The following CAMTA2 variants were observed in gnomAD, a reference collection of about 807,000 sequenced individuals.
The protein encoded by CAMTA2 is calmodulin binding transcription activator 2, also known as calmodulin-binding transcription activator 2.
Under a neutral mutation model 135.7 loss-of-function variants are expected in CAMTA2, and 56 were observed. The observed-to-expected ratio is 0.41, with a 90% CI of 0.33 to 0.52. CAMTA2 has a LOEUF of 0.52. Ranked by LOEUF, CAMTA2 falls within the 20% of genes least tolerant of loss-of-function variation. The pLI is 0.16. For synonymous variants in CAMTA2, 591 were observed against 604.6 expected, an observed-to-expected ratio of 0.98 and a Z score of 0.33; for missense variants, 1,358 against 1,553.4, an observed-to-expected ratio of 0.87 and a Z score of 2.11.
At chr17:4,979,637 A>G in intron 9 of CAMTA2, 47 bp downstream of exon 9, 1 of 1,376,976 alleles carries the variant, frequency 7.3e-7, no homozygotes, top group Non-Finnish European at 1.0e-6. Context: ...TTGGGGAGTC[A>G]GAAGACAAAT....
At chr17:4,973,428 A>C (rs188018991) in intron 13 of CAMTA2, among the ~76,000 whole-genome samples, 157 bp downstream of exon 13, 17 of 152,314 alleles carry the variant, frequency 1.1e-4, no homozygotes, top group African/African-American at 3.9e-4. Flanking sequence ...CAGGATATGA[A>C]AGTTCCCCAA....
At chr17:4,973,317 T>C in intron 13 of CAMTA2, 64 bp from the exon 14 acceptor site, 1 of 1,375,636 alleles carries the variant, frequency 7.3e-7, no homozygotes, top group Admixed American at 1.7e-5. Context: ...AGCAGGAACA[T>C]CAGAAGTAAA....
At chr17:4,978,287 G>A (rs968306242) in intron 10 of CAMTA2, among the ~76,000 whole-genome samples, 6 of 152,212 alleles carry the variant, frequency 3.9e-5, no homozygotes, top group Admixed American at 3.3e-4. Context: ...TAGCTAAGGA[G>A]TAGACTTCTT....
Position 4,986,275 on chromosome 17 carries a change from G to A in CAMTA2, c.-53C>T. ...CCCCGGCCTGAGGGGCCGGGGGGAG[G>A]GGGAGTCTGTGCTGGGAAGGGAGAG... is the stretch of plus-strand genomic sequence containing the variant. On this transcript the variant is annotated 5_prime_UTR_variant, in exon 2 of 23. Coordinates refer to ENST00000348066, the MANE Select transcript of CAMTA2 (RefSeq NM_015099.4). 2 of 1,457,876 alleles carry A rather than the reference G, an allele frequency of 1.4e-6. No individual in the cohort carries two copies. The highest frequency in any genetic ancestry group is 1.2e-5 in the South Asian group (1 of 85,572). 90.3% of individuals were successfully genotyped at this position (1,457,876 alleles called of 1,614,324 possible).
intron 5 of CAMTA2, 152 bp downstream of exon 5, chr17:4,982,605 A>G (rs992454606): frequency 3.6e-5 from 30 of 824,620 alleles, no homozygotes; most frequent in Non-Finnish European, 5.3e-5. Flanking sequence ...TGGCCAAAGC[A>G]ATGTCAGCCG....
intron 7 of CAMTA2, 85 bp downstream of exon 7, chr17:4,981,593 A>G (rs887752316): frequency 2.7e-6 from 4 of 1,458,122 alleles, no homozygotes; most frequent in Non-Finnish European, 3.7e-6. Flanking sequence ...ATCAGCCCTC[A>G]GGCTTTGGGT....
rs755009429 is a variant in CAMTA2, at chr17:4,969,465, T to A, written c.3282+35A>T. ...ACACACTCAAGGAAAGACTGAATCATCACAGACCTCACACTCAGAGCTCAT... is the reference window on the plus strand; with the variant it reads ...ACACACTCAAGGAAAGACTGAATCAACACAGACCTCACACTCAGAGCTCAT... On this transcript the variant is annotated intron_variant, in intron 20 of 22. Coordinates refer to ENST00000348066, the MANE Select transcript of CAMTA2 (RefSeq NM_015099.4). The surrounding 1 kb of genome is among the most constrained non-coding windows in gnomAD (Gnocchi z 5.6). 5 of 1,613,292 alleles carry A rather than the reference T, an allele frequency of 3.1e-6. No individual in the cohort carries two copies. In the Admixed American group the frequency reaches 8.3e-5, roughly 27 times the overall value.
intron 9 of CAMTA2, among the ~76,000 whole-genome samples, chr17:4,979,171 T>A (rs1374818711): frequency 1.3e-5 from 2 of 152,050 alleles, no homozygotes; most frequent in Admixed American, 6.6e-5. Context: ...AAGGTTAAGT[T>A]GCTGAGGACT....
rs1972050566 is a variant in CAMTA2, at chr17:4,968,592, G to A, written c.*164C>T. ...GCACGACCAGGAGGGACGAGGAGAG[G>A]GGTGTGGGAGCAAGGCGTGGGGAGG... On this transcript the variant is annotated 3_prime_UTR_variant, in exon 23 of 23. Coordinates refer to ENST00000348066, the MANE Select transcript of CAMTA2 (RefSeq NM_015099.4). The A allele has an allele frequency of 2.8e-6, 2 of 704,330 alleles. No homozygotes were observed. Among genetic ancestry groups the A allele is most frequent in the Admixed American group, 2.4e-5 (1 of 41,722 alleles). 43.6% of individuals were successfully genotyped at this position (704,330 alleles called of 1,614,324 possible).
chr17:4,973,288 T>A (rs754239002), intron 13 of CAMTA2, 35 bp from the exon 14 acceptor site: 64 of 1,559,548 alleles, frequency 4.1e-5, no homozygotes, highest in Non-Finnish European at 5.1e-5. Context: ...CAGAGCCCAA[T>A]GAGGGAAAAA....
At position 4,979,713 on chromosome 17, in the gene CAMTA2, C is replaced by T; in HGVS notation, c.1609G>A (p.Asp537Asn). The T allele has an allele frequency of 6.2e-7, 1 of 1,613,732 alleles. No homozygotes were observed. The highest frequency in any genetic ancestry group is 1.1e-5 in the South Asian group (1 of 91,064). Residue 537 changes from aspartate (D) to asparagine (N), a missense_variant, in exon 9 of 23, where the codon GAC becomes AAC. Around this residue, in one of 4 missense-constraint regions of CAMTA2, gnomAD observed 1,077 missense variants for 1,127.5 expected, o/e 0.96. Coordinates refer to ENST00000348066, the MANE Select transcript of CAMTA2 (RefSeq NM_015099.4). ...GGGTAGGACCACTCTGGGGAGAAGT[C>T]TGTGATGGTGCTAAGAGCAGGAGAC... ...QLSPALSTIT[D>N]FSPEWSYPEG... is the part of the protein sequence containing the mutation.
Position 4,980,224 on chromosome 17 carries a change from G to A in CAMTA2, c.1098C>T (p.Ala366=), listed in dbSNP as rs1487487180. 2 of 1,576,478 alleles carry A rather than the reference G, an allele frequency of 1.3e-6. No individual in the cohort carries two copies. The highest frequency in any genetic ancestry group is 1.7e-4 in the Middle Eastern group (1 of 5,852). Residue 366 remains alanine, a synonymous_variant, in exon 9 of 23, where the codon GCC becomes GCT. Coordinates refer to ENST00000348066, the MANE Select transcript of CAMTA2 (RefSeq NM_015099.4). The surrounding 1 kb of genome is among the most constrained non-coding windows in gnomAD (Gnocchi z 5.3). The stretch of plus-strand genomic sequence containing the variant: ...AGGCAGGACTGGGAGGAGCTGGTGG[G>A]GCAGAAGGCTCAGTGCCTACAACCA... The part of the protein sequence containing the change: ...LAVVVGTEPS[A]PPAPPSPAFD...
At chr17:4,983,108 T>C (rs1973065350) in intron 3 of CAMTA2, 65 bp from the exon 4 acceptor site, 2 of 1,352,792 alleles carry the variant, frequency 1.5e-6, no homozygotes, top group East Asian at 4.6e-5. Flanking sequence ...GGCCTCTTGG[T>C]CATCCTGTCA....
rs1180475823 is a variant in CAMTA2, at chr17:4,969,894, C to A, written c.3189+8G>T. On this transcript the variant is annotated splice_region_variant and intron_variant, in intron 18 of 22. Transcript: ENST00000348066. This position sits in a 1 kb window ranked among gnomAD's most constrained non-coding sequence, Gnocchi z 5.6. ...TGTGTAATTCATCCTGAGACCCCTG[C>A]CCCTGACCTTGTACTTTCGGAAGGC... 6.2e-7 allele frequency: 1 copy of A among 1,613,642 alleles called. No individual in the cohort carries two copies. Among genetic ancestry groups the A allele is most frequent in the Non-Finnish European group, 8.5e-7 (1 of 1,179,736 alleles).
In CAMTA2 at chr17:4,987,620, C is replaced by T; in HGVS notation, c.-92G>A. The T allele has an allele frequency of 6.5e-7, 1 of 1,527,958 alleles. No homozygotes were observed. The highest frequency in any genetic ancestry group is 8.7e-7 in the Non-Finnish European group (1 of 1,143,144). 94.7% of individuals were successfully genotyped at this position (1,527,958 alleles called of 1,614,324 possible). A position where few individuals can be genotyped will look rare whatever the true frequency, so the allele number is the denominator to read the frequency against. Reference sequence around the variant, plus strand: ...CCCGGGGTCCCGCGGGTGACGGCGGCAGCGGCCATTCTACCCCACACCGAC... The same window carrying T: ...CCCGGGGTCCCGCGGGTGACGGCGGTAGCGGCCATTCTACCCCACACCGAC... On this transcript the variant is annotated 5_prime_UTR_variant, in exon 1 of 23. Transcript: ENST00000348066.
Position 4,977,211 on chromosome 17 carries a change from G to C in CAMTA2, c.1766-19C>G, listed in dbSNP as rs1180609060. ...TCATGGGCTGGAGAGGGTAGGATCAGCGAGAAGGGCTCTCTTTCCCTGGCT... is the reference window on the plus strand; with the variant it reads ...TCATGGGCTGGAGAGGGTAGGATCACCGAGAAGGGCTCTCTTTCCCTGGCT... On this transcript the variant is annotated intron_variant, in intron 10 of 22. Coordinates refer to ENST00000348066, the MANE Select transcript of CAMTA2 (RefSeq NM_015099.4). 6.2e-7 allele frequency: 1 copy of C among 1,609,618 alleles called. No homozygotes were observed. Among genetic ancestry groups the C allele is most frequent in the South Asian group, 1.1e-5 (1 of 90,862 alleles).
chr17:4,974,765 T>G (rs944657149), intron 11 of CAMTA2: 4 of 359,076 alleles, frequency 1.1e-5, no homozygotes, highest in Non-Finnish European at 2.1e-5. Flanking sequence ...GGTAGTAGGA[T>G]TCCCAAATGG....
In CAMTA2 at chr17:4,986,001, G is replaced by A; in HGVS notation, c.32-18C>T. 6.4e-7 allele frequency: 1 copy of A among 1,571,640 alleles called. No individual in the cohort carries two copies. The highest frequency in any genetic ancestry group is 8.8e-7 in the Non-Finnish European group (1 of 1,141,212). On this transcript the variant is annotated intron_variant, in intron 2 of 22. Transcript: ENST00000348066. ...GCTGTTTTCTAAAGGGAATTAGAAGGGAGGGTTTAGTGTGCTACCCTGGGG... is the reference window on the plus strand; with the variant it reads ...GCTGTTTTCTAAAGGGAATTAGAAGAGAGGGTTTAGTGTGCTACCCTGGGG...
intron 5 of CAMTA2, chr17:4,982,363 G>A: frequency 1.7e-6 from 1 of 599,866 alleles, no homozygotes; most frequent in Non-Finnish European, 3.0e-6. Flanking sequence ...GCCTTATAGT[G>A]AGGACCAGAT....
Sources: gnomAD v4.1 joint callset for allele counts (sites outside exome capture counted in the v4.1 genomes callset) on GRCh38, gnomAD v4.1.1 for gene constraint, gnomAD v4.1.1 regional missense constraint, Gnocchi (gnomAD v3.1) non-coding constraint, MANE v1.5 for transcripts, NCBI Gene and HGNC (gene_info 2026-07-23, HGNC 2026-07-21) for gene names.